INSL6: variants seen among roughly 807,000 people sequenced by gnomAD.
INSL6 encodes insulin like 6.
A neutral mutation model predicts 9.4 loss-of-function variants in INSL6; 16 were observed. The observed-to-expected ratio is 1.70, with a 90% confidence interval of 1.15 to 2.59. The LOEUF (loss-of-function observed/expected upper bound fraction) is 2.59. INSL6 is among the 30% of genes most tolerant of loss of function. The pLI, the probability that INSL6 is intolerant of heterozygous loss-of-function variation, is 0.00. For missense variants in INSL6, 391 were observed against 257.3 expected, an observed-to-expected ratio of 1.52 and a Z score of -3.56; for synonymous variants, 154 against 96.9, an observed-to-expected ratio of 1.59 and a Z score of -3.46.
downstream of INSL6, among the ~76,000 whole-genome samples, chr9:5,121,686 C>T (rs1823625839): frequency 6.6e-6 from 1 of 152,076 alleles, no homozygotes; most frequent in Non-Finnish European, 1.5e-5. Context: ...TTCAAAAAGA[C>T]AAAGAATTTA....
the INSL6 span, among the ~76,000 whole-genome samples, chr9:5,005,083 ATTTTTTTTTTTTTTTTTTTTTTTTT>A: frequency 2.1e-3 from 83 of 40,034 alleles, 2 homozygotes; most frequent in South Asian, 0.041. Flanking sequence ...TGCCTGGCTA[ATTTTTTTTTTTTTTTTTTTTTTTTT>A]TTTTTTTTTT....
the INSL6 span, among the ~76,000 whole-genome samples, chr9:5,115,146 A>T: frequency 3.3e-5 from 5 of 152,118 alleles, no homozygotes; most frequent in Non-Finnish European, 4.4e-5. Context: ...AATGGGAAAA[A>T]TTTTTTGCAA....
chr9:5,084,091 G>A, the INSL6 span, among the ~76,000 whole-genome samples: 1 of 151,896 alleles, frequency 6.6e-6, no homozygotes, highest in Admixed American at 6.6e-5. Context: ...CCATAGTTCC[G>A]TGAGCTTAAA....
chr9:5,125,548 G>A (rs1272459556), intron 3 of INSL6, among the ~76,000 whole-genome samples: 2 of 151,276 alleles, frequency 1.3e-5, no homozygotes, highest in Admixed American at 6.6e-5. Context: ...TAAAAGTTAT[G>A]AACTATTTTA....
chr9:5,128,190 CTGGTA>C (rs1824131062), intron 3 of INSL6: 1 of 228,954 alleles, frequency 4.4e-6, no homozygotes, highest in Admixed American at 5.7e-5. Flanking sequence ...TTTATTTTTA[CTGGTA>C]TGTTCTACTT....
At chr9:5,069,341 T>G in the INSL6 span, 2 of 607,370 alleles carry the variant, frequency 3.3e-6, no homozygotes, top group Non-Finnish European at 5.7e-6. Flanking sequence ...TCTTATTCTA[T>G]TGTACAAGCA....
At chr9:5,020,467 T>G in the INSL6 span, among the ~76,000 whole-genome samples, 1 of 152,102 alleles carries the variant, frequency 6.6e-6, no homozygotes, top group South Asian at 2.1e-4. Flanking sequence ...TCCAATTTCC[T>G]GGTGGAATGT....
chr9:5,140,641 C>G (rs1157043383), intron 2 of INSL6, among the ~76,000 whole-genome samples: 2 of 152,086 alleles, frequency 1.3e-5, no homozygotes, highest in Non-Finnish European at 2.9e-5. Flanking sequence ...GGATAAAGTC[C>G]AACATCCCAG....
At chr9:5,140,088 A>G (rs1824466787) in intron 2 of INSL6, among the ~76,000 whole-genome samples, 1 of 152,218 alleles carries the variant, frequency 6.6e-6, no homozygotes, top group African/African-American at 2.4e-5. Flanking sequence ...TTACAGAAGC[A>G]AATGACAGGT....
the INSL6 span, among the ~76,000 whole-genome samples, chr9:5,095,178 C>A: frequency 6.6e-6 from 1 of 152,094 alleles, no homozygotes; most frequent in Non-Finnish European, 1.5e-5. Context: ...GCTAAATAAG[C>A]TATTGGGCCC....
chr9:5,108,716 C>G, the INSL6 span: 1 of 151,956 alleles, frequency 6.6e-6, no homozygotes, highest in Non-Finnish European at 1.5e-5. Flanking sequence ...TCACACTATC[C>G]CTATGAGGGA....
At chr9:5,035,046 G>A in the INSL6 span, among the ~76,000 whole-genome samples, 1 of 152,140 alleles carries the variant, frequency 6.6e-6, no homozygotes, top group South Asian at 2.1e-4. Flanking sequence ...AAATGATAAA[G>A]GGGATATCAA....
At chr9:5,057,411 T>C in the INSL6 span, among the ~76,000 whole-genome samples, 1 of 151,998 alleles carries the variant, frequency 6.6e-6, no homozygotes, top group African/African-American at 2.4e-5. Context: ...TAAAATAAAA[T>C]TTAGCATCTT....
exon 3 of INSL6, chr9:5,133,566 G>A (rs576327355): frequency 3.9e-5 from 6 of 153,648 alleles, no homozygotes; most frequent in African/African-American, 1.2e-4. Flanking sequence ...AGCATCTGGA[G>A]TGGGCCTCCA....
chr9:5,121,245 C>T (rs1313608991), downstream of INSL6, among the ~76,000 whole-genome samples: 1 of 152,122 alleles, frequency 6.6e-6, no homozygotes, highest in Admixed American at 6.5e-5. Flanking sequence ...CACAAGCAGT[C>T]CCCTAAGAGA....
At chr9:5,059,348 A>G in the INSL6 span, among the ~76,000 whole-genome samples, 2 of 152,144 alleles carry the variant, frequency 1.3e-5, no homozygotes, top group East Asian at 3.8e-4. Flanking sequence ...AGATTCTTTT[A>G]GTTAGTATAA....
chr9:5,126,964 T>C, intron 3 of INSL6: 1 of 388,176 alleles, frequency 2.6e-6, no homozygotes, highest in Non-Finnish European at 4.6e-6. Flanking sequence ...TTTTTCTTCA[T>C]GAGGCCACCA....
the INSL6 span, among the ~76,000 whole-genome samples, chr9:5,087,517 C>G: frequency 1.3e-5 from 2 of 151,492 alleles, no homozygotes; most frequent in Admixed American, 1.3e-4. Context: ...TCAAACCCTT[C>G]TGGTTTTCTA....
chr9:5,164,821 G>A (rs1311538410), intron 1 of INSL6, among the ~76,000 whole-genome samples: 1 of 152,178 alleles, frequency 6.6e-6, no homozygotes, highest in Middle Eastern at 3.2e-3. Context: ...TTTTATGGCT[G>A]AATAGTTTTC....
Sources: gnomAD v4.1 joint callset for allele counts (sites outside exome capture counted in the v4.1 genomes callset) on GRCh38, gnomAD v4.1.1 for gene constraint, MANE v1.5 for transcripts, NCBI Gene and HGNC (gene_info 2026-07-23, HGNC 2026-07-21) for gene names.